Variants in ERBB4 observed in about 807,000 individuals in gnomAD.
ERBB4 encodes erb-b2 receptor tyrosine kinase 4, also known as receptor tyrosine-protein kinase erbB-4.
ERBB4 carries 42 observed loss-of-function variants against 158.0 expected under a neutral mutation model. The ratio of observed to expected loss-of-function variants is 0.27; its 90% CI spans 0.21 to 0.34. The LOEUF is 0.34. ERBB4 is among the 10% of genes least tolerant of loss of function. The probability of loss-of-function intolerance (pLI) is 1.00; values close to 1 mark genes in which losing one functional copy is unlikely to be tolerated. For missense variants in ERBB4, 1,333 were observed against 1,624.1 expected, an observed-to-expected ratio of 0.82 and a Z score of 3.08; for synonymous variants, 583 against 558.7, an observed-to-expected ratio of 1.04 and a Z score of -0.61.
intron 2 of ERBB4, among the ~76,000 whole-genome samples, chr2:212,122,471 T>G (rs1205982252): frequency 2.0e-5 from 3 of 152,130 alleles, no homozygotes; most frequent in African/African-American, 7.2e-5. Flanking sequence ...GATATGCACA[T>G]GGATTAGTAC....
intron 2 of ERBB4, among the ~76,000 whole-genome samples, chr2:211,963,639 C>T (rs2081241806): frequency 6.6e-6 from 1 of 151,934 alleles, no homozygotes; most frequent in African/African-American, 2.4e-5. Context: ...TTTTCTCTTT[C>T]TCTCTGTTTC....
At chr2:212,278,996 A>G (rs1419291712) in intron 1 of ERBB4, among the ~76,000 whole-genome samples, 1 of 151,638 alleles carries the variant, frequency 6.6e-6, no homozygotes, top group Non-Finnish European at 1.5e-5. Flanking sequence ...CAGATTATAA[A>G]TTTCACACTT....
intron 1 of ERBB4, among the ~76,000 whole-genome samples, chr2:212,389,409 C>G (rs570005916): frequency 6.6e-6 from 1 of 151,896 alleles, no homozygotes; most frequent in Admixed American, 6.6e-5. Flanking sequence ...ATTAGTAAAG[C>G]CTGAAAATAT....
chr2:211,522,289 G>T (rs2066208348), intron 20 of ERBB4, among the ~76,000 whole-genome samples: 1 of 152,088 alleles, frequency 6.6e-6, no homozygotes, highest in South Asian at 2.1e-4. Context: ...GACTTTGAAG[G>T]GTTCAAGATT....
intron 3 of ERBB4, among the ~76,000 whole-genome samples, chr2:211,876,639 G>A (rs2078511129): frequency 6.6e-6 from 1 of 152,088 alleles, no homozygotes; most frequent in South Asian, 2.1e-4. Context: ...GTGTTTATGT[G>A]GATAGAAATT....
chr2:212,266,364 T>C (rs1199762460), intron 1 of ERBB4, among the ~76,000 whole-genome samples: 1 of 152,022 alleles, frequency 6.6e-6, no homozygotes, highest in Non-Finnish European at 1.5e-5. Flanking sequence ...AATCATTCTA[T>C]GAGGAAAGTC....
rs67216333 is a variant in ERBB4, at chr2:212,384,890, A to AATATATAT, written c.82+153551_82+153558dup. ...TTGTTCTTAAATTCCATGTTTGTGG[A>AATATATAT]ATATATATATATATATATATATATA... On this transcript the variant is annotated intron_variant, in intron 1 of 27. Transcript: ENST00000342788. Among the ~76,000 whole-genome samples, 1,181 of 122,990 alleles carry AATATATAT rather than the reference A, an allele frequency of 9.6e-3. 10 individuals carry two copies. Among genetic ancestry groups the AATATATAT allele is most frequent in the African/African-American group, 0.025 (772 of 31,246 alleles). 80.7% of individuals were successfully genotyped at this position (122,990 alleles called of 152,430 possible).
intron 1 of ERBB4, among the ~76,000 whole-genome samples, chr2:212,537,792 C>G (rs1434447524): frequency 6.6e-6 from 1 of 151,844 alleles, no homozygotes; most frequent in East Asian, 1.9e-4. Flanking sequence ...GTAAGCGCCC[C>G]TCAAGTCAAT....
chr2:212,324,788 G>C (rs1269427194), intron 1 of ERBB4, among the ~76,000 whole-genome samples: 1 of 150,436 alleles, frequency 6.6e-6, no homozygotes, highest in Non-Finnish European at 1.5e-5. Context: ...GGAAGAGGGG[G>C]AAATACTACA....
At chr2:211,792,102 G>C (rs1321937144) in intron 3 of ERBB4, among the ~76,000 whole-genome samples, 22 of 151,708 alleles carry the variant, frequency 1.5e-4, no homozygotes, top group Non-Finnish European at 1.5e-5. Context: ...TGGAAAAAAA[G>C]TACCATGGAA....
chr2:211,411,658 T>A (rs2063265344), intron 25 of ERBB4, among the ~76,000 whole-genome samples: 1 of 152,146 alleles, frequency 6.6e-6, no homozygotes, highest in African/African-American at 2.4e-5. Flanking sequence ...GAGTGGAAAA[T>A]AAATTGCAGT....
intron 20 of ERBB4, among the ~76,000 whole-genome samples, chr2:211,529,749 T>C (rs2066445353): frequency 6.6e-6 from 1 of 152,124 alleles, no homozygotes; most frequent in African/African-American, 2.4e-5. Context: ...ACCAAAATTA[T>C]ATAATCATTT....
chr2:211,390,514 A>G (rs1044152369), intron 25 of ERBB4, among the ~76,000 whole-genome samples: 1 of 152,226 alleles, frequency 6.6e-6, no homozygotes, highest in African/African-American at 2.4e-5. Flanking sequence ...CACATTTTGC[A>G]TTTTACAAAA....
At position 211,958,482 on chromosome 2, in the gene ERBB4, T is replaced by A. The variant is rs12992293; in HGVS notation, c.235-10866A>T. On this transcript the variant is annotated intron_variant, in intron 2 of 27. Transcript: ENST00000342788. The stretch of plus-strand genomic sequence containing the variant: ...CTTCTATTAATTAGTGTTTTCTGTG[T>A]GTGAGGCATTCTTATGTCTTCTGTC... Among the ~76,000 whole-genome samples the A allele has an allele frequency of 3.0e-3, 458 of 152,254 alleles. 1 individual carries two copies. Among genetic ancestry groups the A allele is most frequent in the Non-Finnish European group, 4.3e-3 (293 of 67,978 alleles).
At chr2:211,525,258 A>G (rs2066314768) in intron 20 of ERBB4, among the ~76,000 whole-genome samples, 1 of 152,136 alleles carries the variant, frequency 6.6e-6, no homozygotes, top group South Asian at 2.1e-4. Flanking sequence ...CAGACAAAAA[A>G]GCTCATGACT....
chr2:211,855,794 T>C (rs935011437), intron 3 of ERBB4, among the ~76,000 whole-genome samples: 3 of 152,138 alleles, frequency 2.0e-5, no homozygotes, highest in Admixed American at 6.6e-5. Context: ...CTTTGCAATC[T>C]TTAAGTTTAT....
At chr2:211,857,611 C>A (rs1355182234) in intron 3 of ERBB4, among the ~76,000 whole-genome samples, 1 of 151,872 alleles carries the variant, frequency 6.6e-6, no homozygotes, top group Non-Finnish European at 1.5e-5. Flanking sequence ...GGAATAAAAA[C>A]AAATGACAAT....
At chr2:212,003,791 G>A (rs762844703) in intron 2 of ERBB4, among the ~76,000 whole-genome samples, 3 of 152,152 alleles carry the variant, frequency 2.0e-5, no homozygotes, top group Non-Finnish European at 4.4e-5. Flanking sequence ...GGTCCAGTGT[G>A]CAGGTTTAGG....
At chr2:212,303,035 T>C (rs2086677833) in intron 1 of ERBB4, among the ~76,000 whole-genome samples, 2 of 151,288 alleles carry the variant, frequency 1.3e-5, no homozygotes, top group Admixed American at 1.3e-4. Context: ...AAGAGGAGTG[T>C]AGGGAGAAAG....
Sources: gnomAD v4.1 joint callset for allele counts (sites outside exome capture counted in the v4.1 genomes callset) on GRCh38, gnomAD v4.1.1 for gene constraint, MANE v1.5 for transcripts, NCBI Gene and HGNC (gene_info 2026-07-23, HGNC 2026-07-21) for gene names.